Variants in FBXL20 observed in about 807,000 individuals in gnomAD.
The protein encoded by FBXL20 is F-box and leucine rich repeat protein 20.
In FBXL20, 11 loss-of-function variants were observed where a neutral mutation model predicts 64.0. That is an observed-to-expected ratio of 0.17 (90% CI 0.11 to 0.28). The LOEUF is 0.28. Ranked by LOEUF, FBXL20 falls within the 10% of genes least tolerant of loss-of-function variation. The pLI is 1.00. For missense variants in FBXL20, 303 were observed against 526.2 expected (o/e 0.58, Z 4.15); for synonymous variants, 184 against 189.0 (o/e 0.97, Z 0.22).
At chr17:39,269,530 C>T (rs2046823401) in intron 11 of FBXL20, among the ~76,000 whole-genome samples, 1 of 118,932 alleles carries the variant, frequency 8.4e-6, no homozygotes, top group Admixed American at 1.0e-4. Context: ...GACAGAGTTT[C>T]GCTCGTTGCC....
At chr17:39,301,463 C>T (rs2144449047) in intron 3 of FBXL20, among the ~76,000 whole-genome samples, 1 of 152,210 alleles carries the variant, frequency 6.6e-6, no homozygotes, top group Admixed American at 6.6e-5. Context: ...CATGGTGGCT[C>T]ACGTCTGTAA....
intron 2 of FBXL20, among the ~76,000 whole-genome samples, chr17:39,313,933 C>T (rs779337704): frequency 3.9e-4 from 59 of 152,164 alleles, no homozygotes; most frequent in Non-Finnish European, 7.9e-4. Context: ...CAGTGCCCGG[C>T]CCAAAATTTA....
intron 13 of FBXL20, among the ~76,000 whole-genome samples, chr17:39,265,099 A>G (rs746429260): frequency 3.3e-5 from 5 of 152,218 alleles, no homozygotes; most frequent in Non-Finnish European, 5.9e-5. Flanking sequence ...GATCCCCTGG[A>G]TCTCTAGAAA....
chr17:39,340,116 G>A lies in FBXL20; in HGVS notation c.104+3064C>T, dbSNP rs568574111. On this transcript the variant is annotated intron_variant, in intron 2 of 14. Coordinates refer to ENST00000264658, the MANE Select transcript of FBXL20 (RefSeq NM_032875.3). Reference sequence around the variant, plus strand: ...TAATTCCTGGGGTTTTTGTTTGTTTGAGATGGAGTCTCGCTCTGTTGTGAG... The same window carrying A: ...TAATTCCTGGGGTTTTTGTTTGTTTAAGATGGAGTCTCGCTCTGTTGTGAG... Among the ~76,000 whole-genome samples the A allele has an allele frequency of 1.0e-3, 152 of 152,156 alleles. 1 individual carries two copies. Among genetic ancestry groups the A allele is most frequent in the African/African-American group, 3.5e-3 (147 of 41,528 alleles).
At chr17:39,263,818 CCAAA>C (rs1417147588) in intron 14 of FBXL20, 2 of 176,110 alleles carry the variant, frequency 1.1e-5, no homozygotes, top group African/African-American at 2.4e-5. Flanking sequence ...TCCCATTTAA[CCAAA>C]CACTTTCTCT....
intron 1 of FBXL20, among the ~76,000 whole-genome samples, chr17:39,378,381 G>C (rs986482142): frequency 6.6e-6 from 1 of 152,114 alleles, no homozygotes; most frequent in Non-Finnish European, 1.5e-5. Context: ...GGCGTAGGCA[G>C]GAAGATTGAG....
chr17:39,402,552 G>A (rs781468174), upstream of FBXL20: 6 of 227,750 alleles, frequency 2.6e-5, no homozygotes, highest in Non-Finnish European at 5.1e-5. Flanking sequence ...CCGTGGGGGT[G>A]GGGCGGGCGA....
intron 2 of FBXL20, among the ~76,000 whole-genome samples, chr17:39,318,611 A>C (rs1350579844): frequency 6.6e-6 from 1 of 152,110 alleles, no homozygotes; most frequent in Non-Finnish European, 1.5e-5. Context: ...TTGGTGGCGC[A>C]TGCCTGTAAT....
intron 9 of FBXL20, among the ~76,000 whole-genome samples, chr17:39,281,038 A>G (rs2046945622): frequency 1.3e-5 from 2 of 152,334 alleles, no homozygotes; most frequent in South Asian, 4.1e-4. Flanking sequence ...TGCTGGGATT[A>G]CAGGCATGAG....
At chr17:39,369,256 C>CTTTTTT (rs72363930) in intron 1 of FBXL20, among the ~76,000 whole-genome samples, 8 of 98,578 alleles carry the variant, frequency 8.1e-5, no homozygotes, top group Admixed American at 1.2e-4. Context: ...GAATTCAATG[C>CTTTTTT]TTTTTTTTTT....
chr17:39,279,335 A>C (rs1174030160), intron 9 of FBXL20, among the ~76,000 whole-genome samples: 1 of 151,304 alleles, frequency 6.6e-6, no homozygotes. Flanking sequence ...CTATCTCTAC[A>C]AAAAAATTAA....
At chr17:39,401,781 C>A (rs952792765), upstream of FBXL20, 5 of 992,018 alleles carry the variant, frequency 5.0e-6, no homozygotes, top group South Asian at 4.4e-5. Flanking sequence ...ACCCCTCCCC[C>A]ACACGGGGCC....
At chr17:39,308,363 T>C (rs2047201662) in intron 2 of FBXL20, among the ~76,000 whole-genome samples, 1 of 151,926 alleles carries the variant, frequency 6.6e-6, no homozygotes, top group African/African-American at 2.4e-5. Flanking sequence ...AGGATTGTGG[T>C]GCACGCCTGT....
At chr17:39,337,543 C>T (rs565347439) in intron 2 of FBXL20, among the ~76,000 whole-genome samples, 13 of 149,518 alleles carry the variant, frequency 8.7e-5, no homozygotes, top group East Asian at 2.0e-4. Context: ...ATGTGGGGAG[C>T]GCCTCTGCCC....
At chr17:39,307,741 C>T (rs1255344006) in intron 2 of FBXL20, among the ~76,000 whole-genome samples, 8 of 151,998 alleles carry the variant, frequency 5.3e-5, no homozygotes, top group Non-Finnish European at 8.8e-5. Context: ...GAGGCCGAGG[C>T]GGGTGGATCA....
intron 1 of FBXL20, among the ~76,000 whole-genome samples, chr17:39,375,218 C>T (rs1054232452): frequency 6.6e-6 from 1 of 151,316 alleles, no homozygotes; most frequent in Non-Finnish European, 1.5e-5. Context: ...GTAGTTGTTG[C>T]GGCCATCTTC....
chr17:39,267,471 G>C (rs967725218), intron 12 of FBXL20, among the ~76,000 whole-genome samples: 2 of 152,116 alleles, frequency 1.3e-5, no homozygotes, highest in African/African-American at 4.8e-5. Flanking sequence ...AGAATAATCA[G>C]AGAAAGGAAT....
At chr17:39,363,100 C>T (rs2047815423) in intron 1 of FBXL20, among the ~76,000 whole-genome samples, 1 of 151,894 alleles carries the variant, frequency 6.6e-6, no homozygotes, top group East Asian at 2.0e-4. Flanking sequence ...CTCCTGGGTT[C>T]AAGTGATTCT....
At chr17:39,314,451 C>T (rs1022466365) in intron 2 of FBXL20, among the ~76,000 whole-genome samples, 2 of 152,020 alleles carry the variant, frequency 1.3e-5, no homozygotes, top group African/African-American at 4.8e-5. Context: ...CTCCCAGATT[C>T]GATTCTCCTG....
Sources: gnomAD v4.1 joint callset for allele counts (sites outside exome capture counted in the v4.1 genomes callset) on GRCh38, gnomAD v4.1.1 for gene constraint, MANE v1.5 for transcripts, NCBI Gene and HGNC (gene_info 2026-07-23, HGNC 2026-07-21) for gene names.